CRTC1: variants seen among roughly 807,000 people sequenced by gnomAD.
CRTC1 encodes CREB regulated transcription coactivator 1, also known as CREB-regulated transcription coactivator 1.
A neutral mutation model predicts 66.1 loss-of-function variants in CRTC1; 18 were observed. The ratio of observed to expected loss-of-function variants is 0.27; its 90% confidence interval spans 0.19 to 0.40. The LOEUF (loss-of-function observed/expected upper bound fraction) is 0.40, where lower values mean the gene tolerates loss of function less well. Among genes scored for constraint, CRTC1 ranks in the 10% least tolerant of loss-of-function variants. The probability of loss-of-function intolerance (pLI) is 1.00; values close to 1 mark genes in which losing one functional copy is unlikely to be tolerated. For missense variants in CRTC1, 669 were observed against 887.9 expected (o/e 0.75, Z 3.13); for synonymous variants, 416 against 398.8 (o/e 1.04, Z -0.51).
chr19:18,773,403 T>C (rs186197271), intron 11 of CRTC1, among the ~76,000 whole-genome samples: 26 of 152,334 alleles, frequency 1.7e-4, no homozygotes, highest in African/African-American at 6.3e-4. Context: ...CTCACCTTTC[T>C]GGCAAGCCCT....
At chr19:18,693,713 C>A (rs2052910581) in intron 1 of CRTC1, among the ~76,000 whole-genome samples, 1 of 151,466 alleles carries the variant, frequency 6.6e-6, no homozygotes, top group Non-Finnish European at 1.5e-5. Context: ...TTGATCTGAT[C>A]TCGTGATCCA....
chr19:18,697,549 A>G (rs2053022633), intron 1 of CRTC1, among the ~76,000 whole-genome samples: 1 of 152,058 alleles, frequency 6.6e-6, no homozygotes, highest in Admixed American at 6.6e-5. Context: ...ACCTCAAGTA[A>G]TTCTCCCTCC....
intron 1 of CRTC1, among the ~76,000 whole-genome samples, chr19:18,688,102 G>C (rs2052732085): frequency 6.6e-6 from 1 of 152,144 alleles, no homozygotes. Context: ...GGCATACGGG[G>C]CTGTGTTCTT....
At chr19:18,695,727 T>G (rs983418381) in intron 1 of CRTC1, among the ~76,000 whole-genome samples, 9 of 151,850 alleles carry the variant, frequency 5.9e-5, no homozygotes, top group African/African-American at 2.2e-4. Context: ...TGGCTGGGCG[T>G]GGTGGTGGGC....
At chr19:18,776,003 G>GGGCCA (rs55930980) in intron 13 of CRTC1, among the ~76,000 whole-genome samples, 182 bp downstream of exon 13, 29,562 of 151,852 alleles carry the variant, frequency 0.19, 3,241 homozygotes, top group African/African-American at 0.3. Flanking sequence ...CCTGGGCTTC[G>GGGCCA]GGCCAGGCCA....
chr19:18,768,427 AG>A lies in CRTC1; in HGVS notation c.1012-53del. ...GAGCATGCCAGGCTATGGGGGCCCG[AG>A]GGGGCCAGGCGCTGACAACCAGGGC... On this transcript the variant is annotated intron_variant, in intron 9 of 13. Coordinates refer to ENST00000321949, the MANE Select transcript of CRTC1 (RefSeq NM_015321.3). The surrounding 1 kb of genome is among the most constrained non-coding windows in gnomAD (Gnocchi z 5.6). The A allele has an allele frequency of 6.8e-7, 1 of 1,477,002 alleles. No individual in the cohort carries two copies. Among genetic ancestry groups the A allele is most frequent in the Non-Finnish European group, 9.3e-7 (1 of 1,076,794 alleles). The allele number at this position is 1,477,002 out of a possible 1,614,324, so 91.5% of individuals were successfully genotyped here. A position where few individuals can be genotyped will look rare whatever the true frequency, so the allele number is the denominator to read the frequency against.
intron 1 of CRTC1, among the ~76,000 whole-genome samples, chr19:18,723,064 C>T (rs2053663780): frequency 6.6e-6 from 1 of 152,092 alleles, no homozygotes; most frequent in Non-Finnish European, 1.5e-5. Flanking sequence ...CCTCAGCCTC[C>T]CAAGTACCTG....
In CRTC1 at chr19:18,778,684, G is replaced by GT. The variant is rs2055046206; in HGVS notation, c.*1303dup. The GT allele has an allele frequency of 4.4e-6, 1 of 229,756 alleles. No homozygotes were observed. Among genetic ancestry groups the GT allele is most frequent in the African/African-American group, 2.2e-5 (1 of 45,148 alleles). The allele number at this position is 229,756 out of a possible 1,614,324, so 14.2% of individuals were successfully genotyped here. A position where few individuals can be genotyped will look rare whatever the true frequency, so the allele number is the denominator to read the frequency against. ...CCAGAGGTGCCTGCTAGTCCTTAGA[G>GT]TGTGTGTGTGAAGATGCCATGACCA... On this transcript the variant is annotated 3_prime_UTR_variant, in exon 14 of 14. Transcript: ENST00000321949.
chr19:18,775,244 G>A (rs1601023861), intron 12 of CRTC1, among the ~76,000 whole-genome samples: 1 of 152,214 alleles, frequency 6.6e-6, no homozygotes, highest in Admixed American at 6.5e-5. Flanking sequence ...CAGAGGGTGA[G>A]GGGGGGCAGG....
intron 8 of CRTC1, among the ~76,000 whole-genome samples, chr19:18,762,314 C>G (rs1175173986): frequency 6.6e-6 from 1 of 152,208 alleles, no homozygotes; most frequent in Admixed American, 6.5e-5. Context: ...CCAGAGCGGC[C>G]CGGTAATGCC....
At chr19:18,754,355 T>C (rs1352538201) in intron 6 of CRTC1, among the ~76,000 whole-genome samples, 1 of 152,104 alleles carries the variant, frequency 6.6e-6, no homozygotes, top group Non-Finnish European at 1.5e-5. Flanking sequence ...ACCCTGCCTC[T>C]ACAAAAAATG....
rs754533421 is a variant in CRTC1, at chr19:18,743,002, T to C, written c.219T>C (p.Ser73=). 1 of 1,612,402 alleles carries C rather than the reference T, an allele frequency of 6.2e-7. No individual in the cohort carries two copies. Among genetic ancestry groups the C allele is most frequent in the Non-Finnish European group, 8.5e-7 (1 of 1,179,626 alleles). The part of the protein sequence containing the change: ...GSLPNVNQIG[S]GTMDLPFQTP... ...TGCCCAACGTGAACCAGATCGGGAG[T>C]GGCACCATGGACCTGCCCTTCCAGG... The change falls in exon 2 of 14, where the codon AGT becomes AGC. Residue 73 remains serine, a synonymous_variant. Transcript: ENST00000321949.
chr19:18,690,694 G>A (rs1046386386), intron 1 of CRTC1, among the ~76,000 whole-genome samples: 5 of 152,144 alleles, frequency 3.3e-5, no homozygotes, highest in African/African-American at 9.7e-5. Context: ...ATCATCCTGG[G>A]GGGGTGGCCC....
chr19:18,722,471 C>T (rs1402841132), intron 1 of CRTC1, among the ~76,000 whole-genome samples: 1 of 152,130 alleles, frequency 6.6e-6, no homozygotes, highest in Admixed American at 6.5e-5. Context: ...GGATTGGCCC[C>T]GAATCCCATG....
chr19:18,775,641 C>T lies in CRTC1; in HGVS notation c.1513C>T (p.Leu505=). 4.4e-6 allele frequency: 7 copies of T among 1,580,150 alleles called. No individual in the cohort carries two copies. The highest frequency in any genetic ancestry group is 6.0e-6 in the Non-Finnish European group (7 of 1,162,112). The part of the protein sequence containing the change: ...ARQANALSHQ[L]EQFNMMENAI... Reference sequence around the variant, plus strand: ...CAGCCTGGTGTGCCTCCCTTCCCAGCTGGAGCAGTTCAACATGATGGAGAA... The same window carrying T: ...CAGCCTGGTGTGCCTCCCTTCCCAGTTGGAGCAGTTCAACATGATGGAGAA... The change falls in exon 13 of 14, where the codon CTG becomes TTG. Residue 505 remains leucine (L), a splice_region_variant and synonymous_variant. Transcript: ENST00000321949.
chr19:18,684,087 C>G (rs777623094), intron 1 of CRTC1, among the ~76,000 whole-genome samples: 2 of 151,868 alleles, frequency 1.3e-5, no homozygotes, highest in African/African-American at 4.8e-5. Flanking sequence ...GAGACAGGGG[C>G]CTCTATATCA....
rs747593951 is a variant in CRTC1 at position 18,760,253 on chromosome 19, G to A, written c.886+25G>A. 6.5e-6 allele frequency: 10 copies of A among 1,538,564 alleles called. No individual in the cohort carries two copies. Among genetic ancestry groups the A allele is most frequent in the African/African-American group, 1.4e-5 (1 of 73,090 alleles). ...GGTAAGGCAGGGACACTCCGCCCTC[G>A]GACAGAGCACTGGCTTGTGGAGACA... is the stretch of plus-strand genomic sequence containing the variant. On this transcript the variant is annotated intron_variant, in intron 8 of 13. Transcript: ENST00000321949. This position sits in a 1 kb window ranked among gnomAD's most constrained non-coding sequence, Gnocchi z 6.2.
chr19:18,775,856 C>CA, intron 13 of CRTC1, 35 bp downstream of exon 13: 1 of 1,528,876 alleles, frequency 6.5e-7, no homozygotes. Flanking sequence ...TGCGGCGCCC[C>CA]AAGGGGCCTC....
chr19:18,716,477 C>G (rs950264762), intron 1 of CRTC1, among the ~76,000 whole-genome samples: 2 of 152,158 alleles, frequency 1.3e-5, no homozygotes, highest in African/African-American at 2.4e-5. Context: ...GTCTCAAACT[C>G]CTGACCTCAT....
Sources: gnomAD v4.1 joint callset for allele counts (sites outside exome capture counted in the v4.1 genomes callset) on GRCh38, gnomAD v4.1.1 for gene constraint, Gnocchi (gnomAD v3.1) non-coding constraint, MANE v1.5 for transcripts, NCBI Gene and HGNC (gene_info 2026-07-23, HGNC 2026-07-21) for gene names.